Variants in GALNT9 observed in about 807,000 individuals in gnomAD.
GALNT9 encodes polypeptide N-acetylgalactosaminyltransferase 9, also known as GalNAc transferase 9.
A neutral mutation model predicts 63.1 loss-of-function variants in GALNT9; 47 were observed. That is an observed-to-expected ratio of 0.75 (90% confidence interval 0.59 to 0.95). The LOEUF is 0.95. Ranked by LOEUF, GALNT9 falls within the 40% of genes least tolerant of loss-of-function variation. GALNT9 has a pLI of 0.00. For missense variants in GALNT9, 829 were observed against 874.8 expected, an observed-to-expected ratio of 0.95 and a Z score of 0.66; for synonymous variants, 396 against 365.7, an observed-to-expected ratio of 1.08 and a Z score of -0.94.
At chr12:132,304,851 ACCCGGGCACAGAATCG>A (rs1795967116) in intron 1 of GALNT9, among the ~76,000 whole-genome samples, 1 of 39,720 alleles carries the variant, frequency 2.5e-5, no homozygotes, top group Non-Finnish European at 4.3e-5. Flanking sequence ...GCACACCCTC[ACCCGGGCACAGAATCG>A]CCCAGACACA....
intron 1 of GALNT9, among the ~76,000 whole-genome samples, chr12:132,313,693 T>C (rs1308650527): frequency 2.1e-5 from 2 of 97,196 alleles, no homozygotes; most frequent in African/African-American, 8.0e-5. Context: ...CATCCATCCA[T>C]TCACCCACCT....
At chr12:132,268,619 G>A (rs782386540) in intron 2 of GALNT9, among the ~76,000 whole-genome samples, 6 of 152,208 alleles carry the variant, frequency 3.9e-5, no homozygotes, top group Non-Finnish European at 5.9e-5. Context: ...AGCCACAGCC[G>A]ACTGGAGAAA....
Position 132,329,327 on chromosome 12 carries a change from C to A in GALNT9, c.-124G>T. 7.3e-7 allele frequency: 1 copy of A among 1,373,538 alleles called. No homozygotes were observed. The highest frequency in any genetic ancestry group is 9.5e-7 in the Non-Finnish European group (1 of 1,047,384). The allele number at this position is 1,373,538 out of a possible 1,614,324, so 85.1% of individuals were successfully genotyped here. A position where few individuals can be genotyped will look rare whatever the true frequency, so the allele number is the denominator to read the frequency against. The stretch of plus-strand genomic sequence containing the variant: ...GGGCTGCGGGGGCTGCGGGGCTCGG[C>A]CGGAGCTGTCCCTTCAGCACCAGCT... On this transcript the variant is annotated 5_prime_UTR_variant, in exon 1 of 11. Coordinates refer to ENST00000328957, the MANE Select transcript of GALNT9 (RefSeq NM_001122636.2).
chr12:132,203,484 C>T (rs1397320082), intron 7 of GALNT9, 21 bp downstream of exon 7: 3 of 1,612,096 alleles, frequency 1.9e-6, no homozygotes, highest in Non-Finnish European at 1.7e-6. Flanking sequence ...GGCCCCGGCT[C>T]CCGGCCTGTG....
intron 6 of GALNT9, chr12:132,247,670 CCCGGA>C (rs1555238121): frequency 1.4e-5 from 6 of 432,652 alleles, no homozygotes; most frequent in South Asian, 2.9e-5. Flanking sequence ...TCACCCCGTC[CCCGGA>C]TGCCGTGGCC....
intron 2 of GALNT9, among the ~76,000 whole-genome samples, chr12:132,276,725 C>G (rs963157001): frequency 3.9e-5 from 6 of 152,204 alleles, no homozygotes; most frequent in African/African-American, 1.4e-4. Context: ...ATCCCATGGG[C>G]CAGTCTTAAT....
intron 6 of GALNT9, among the ~76,000 whole-genome samples, chr12:132,229,060 C>T (rs992572871): frequency 6.6e-6 from 1 of 152,220 alleles, no homozygotes; most frequent in Non-Finnish European, 1.5e-5. Context: ...GGGGCACACA[C>T]CTGTGCCAGT....
At chr12:132,314,884 G>A (rs1422647352) in intron 1 of GALNT9, among the ~76,000 whole-genome samples, 2 of 152,210 alleles carry the variant, frequency 1.3e-5, no homozygotes, top group African/African-American at 4.8e-5. Flanking sequence ...TGGAAGGTCG[G>A]GTGGACCTCG....
chr12:132,227,348 C>T (rs1252243705), intron 6 of GALNT9, among the ~76,000 whole-genome samples: 10 of 152,222 alleles, frequency 6.6e-5, no homozygotes, highest in Non-Finnish European at 7.4e-5. Flanking sequence ...CAAAGGCCTG[C>T]GACCCTCTCC....
rs1555239236 is a variant in GALNT9 at position 132,257,703 on chromosome 12, C to G, written c.945G>C (p.Glu315Asp). Reference protein sequence around the residue: ...PPQDWLDRGDESAPIRTPAMI... With the variant: ...PPQDWLDRGDDSAPIRTPAMI... ...GCGCAGCTCACCTGATGGGTGCTGA[C>G]TCGTCGCCGCGGTCCAGCCAGTCCT... The change falls in exon 5 of 11, where the codon GAG becomes GAC. Residue 315 changes from glutamate (E) to aspartate (D), a missense_variant. Glu to Asp is a conservative substitution (Grantham distance 45). Coordinates refer to ENST00000328957, the MANE Select transcript of GALNT9 (RefSeq NM_001122636.2). The G allele has an allele frequency of 6.5e-7, 1 of 1,549,582 alleles. No homozygotes were observed. Among genetic ancestry groups the G allele is most frequent in the South Asian group, 1.2e-5 (1 of 84,014 alleles).
intron 2 of GALNT9, among the ~76,000 whole-genome samples, chr12:132,277,095 C>A (rs975153229): frequency 6.6e-6 from 1 of 152,210 alleles, no homozygotes; most frequent in African/African-American, 2.4e-5. Context: ...CCCTGTCAAA[C>A]CAAACCAATC....
chr12:132,197,300 TC>T (rs762339507), intron 10 of GALNT9, 47 bp from the exon 11 acceptor site: 5 of 1,595,602 alleles, frequency 3.1e-6, no homozygotes, highest in Non-Finnish European at 4.3e-6. Flanking sequence ...GCGTCCTTGT[TC>T]CCCCTCCCCC....
intron 6 of GALNT9, among the ~76,000 whole-genome samples, chr12:132,228,273 G>A (rs1014839480): frequency 0.18 from 27,312 of 151,508 alleles, 2,578 homozygotes; most frequent in Middle Eastern, 0.29. Flanking sequence ...TCCCTCCCCG[G>A]CGTCCCTCCC....
In GALNT9 at chr12:132,209,248, C is replaced by T. The variant is rs560736736; in HGVS notation, c.1078-5558G>A. On this transcript the variant is annotated intron_variant, in intron 6 of 10. Coordinates refer to ENST00000328957, the MANE Select transcript of GALNT9 (RefSeq NM_001122636.2). ...GCTGATAAAATAGGTTGCAGTAGGCCGGGTGCGGTGGCTCACGCCTGTAAT... is the reference window on the plus strand; with the variant it reads ...GCTGATAAAATAGGTTGCAGTAGGCTGGGTGCGGTGGCTCACGCCTGTAAT... Among the ~76,000 whole-genome samples the T allele has an allele frequency of 3.9e-4, 59 of 152,120 alleles. No individual in the cohort carries two copies. The East Asian group carries it at 8.9e-3, about 23-fold the overall frequency.
intron 2 of GALNT9, among the ~76,000 whole-genome samples, chr12:132,263,994 C>G (rs1306420810): frequency 2.0e-5 from 3 of 152,184 alleles, no homozygotes; most frequent in African/African-American, 7.2e-5. Context: ...ATGGCGTGAC[C>G]GTTCCCGGGG....
At chr12:132,267,646 A>G (rs1879651973) in intron 2 of GALNT9, among the ~76,000 whole-genome samples, 1 of 152,242 alleles carries the variant, frequency 6.6e-6, no homozygotes, top group Non-Finnish European at 1.5e-5. Flanking sequence ...TGGCAGGGCA[A>G]CACTGGTGTG....
At chr12:132,203,304 G>A (rs188604396) in intron 7 of GALNT9, among the ~76,000 whole-genome samples, 6 of 152,094 alleles carry the variant, frequency 3.9e-5, no homozygotes, top group Admixed American at 1.3e-4. Context: ...TCTCTTCCCA[G>A]TGTGAGGAAG....
At chr12:132,261,515 G>T (rs531737721) in intron 3 of GALNT9, among the ~76,000 whole-genome samples, 1 of 152,340 alleles carries the variant, frequency 6.6e-6, no homozygotes, top group East Asian at 1.9e-4. Context: ...GTGGCCAAGG[G>T]CAAGACACAG....
At position 132,245,549 on chromosome 12, in the gene GALNT9, AC is replaced by A; in HGVS notation, c.1077+2360del. Among the ~76,000 whole-genome samples the A allele has an allele frequency of 6.9e-6, 1 of 143,916 alleles. No homozygotes were observed. The highest frequency in any genetic ancestry group is 2.0e-4 in the East Asian group (1 of 4,958). 94.4% of individuals were successfully genotyped at this position (143,916 alleles called of 152,430 possible). A position where few individuals can be genotyped will look rare whatever the true frequency, so the allele number is the denominator to read the frequency against. On this transcript the variant is annotated intron_variant, in intron 6 of 10. Transcript: ENST00000328957. This position sits in a 1 kb window ranked among gnomAD's most constrained non-coding sequence, Gnocchi z 6.3. ...CCCACACCCCCAGCCCAGCCTGCTG[AC>A]CCTCGCCCAGCCAGGGCCCTCCGTG... is the stretch of plus-strand genomic sequence containing the variant.
Sources: allele counts gnomAD v4.1 joint callset (sites outside exome capture counted in the v4.1 genomes callset), GRCh38; gene constraint gnomAD v4.1.1; non-coding constraint Gnocchi (gnomAD v3.1); transcripts MANE v1.5; gene names NCBI Gene and HGNC (gene_info 2026-07-23, HGNC 2026-07-21).